Variants in DCTN4 observed in about 807,000 individuals in gnomAD.
DCTN4 encodes the protein dynactin 4 (p62).
Under a neutral mutation model 62.7 loss-of-function variants are expected in DCTN4, and 23 were observed. The ratio of observed to expected loss-of-function variants is 0.37; its 90% CI spans 0.26 to 0.52. DCTN4 has a LOEUF of 0.52. Ranked by LOEUF, DCTN4 falls within the 20% of genes least tolerant of loss-of-function variation. The probability of loss-of-function intolerance (pLI) is 0.92; values close to 1 mark genes in which losing one functional copy is unlikely to be tolerated. For missense variants in DCTN4, 514 were observed against 580.4 expected (o/e 0.89, Z 1.18); for synonymous variants, 199 against 202.1 (o/e 0.98, Z 0.13).
intron 3 of DCTN4, among the ~76,000 whole-genome samples, chr5:150,750,513 A>G (rs1214175170): frequency 1.3e-5 from 2 of 152,238 alleles, no homozygotes; most frequent in African/African-American, 4.8e-5. Context: ...GATTGCTTCC[A>G]GCAGCTATAT....
intron 9 of DCTN4, 25 bp downstream of exon 9, chr5:150,722,882 A>C: frequency 6.3e-7 from 1 of 1,596,514 alleles, no homozygotes; most frequent in Non-Finnish European, 8.6e-7. Flanking sequence ...ACAGTAACTG[A>C]AAACACCAAT....
chr5:150,749,805 C>T (rs1752609017), intron 3 of DCTN4, among the ~76,000 whole-genome samples: 10 of 152,150 alleles, frequency 6.6e-5, no homozygotes, highest in Admixed American at 6.5e-4. Context: ...GTTCATAGCA[C>T]CTTTATTCAC....
chr5:150,711,576 G>A (rs1759567656), intron 12 of DCTN4, among the ~76,000 whole-genome samples: 1 of 152,054 alleles, frequency 6.6e-6, no homozygotes, highest in Non-Finnish European at 1.5e-5. Flanking sequence ...CTCCACCTTG[G>A]GTCACTGCAA....
chr5:150,723,930 T>C (rs1242528514), intron 8 of DCTN4, among the ~76,000 whole-genome samples: 1 of 152,222 alleles, frequency 6.6e-6, no homozygotes, highest in Non-Finnish European at 1.5e-5. Flanking sequence ...TGTAACAATT[T>C]CTATAACTTA....
chr5:150,727,775 C>CAAAAAA (rs11292193), intron 8 of DCTN4, among the ~76,000 whole-genome samples: 187 of 82,080 alleles, frequency 2.3e-3, no homozygotes, highest in Middle Eastern at 8.2e-3. Context: ...GACTCCGTCT[C>CAAAAAA]AAAAAAAAAA....
At chr5:150,712,117 C>T (rs748194939) in intron 12 of DCTN4, among the ~76,000 whole-genome samples, 27 of 152,016 alleles carry the variant, frequency 1.8e-4, no homozygotes, top group African/African-American at 3.6e-4. Flanking sequence ...AGACTCATAC[C>T]GTGGAAAGTT....
At chr5:150,742,256 TAA>T in intron 3 of DCTN4, 99 bp from the exon 4 acceptor site, 1 of 1,213,816 alleles carries the variant, frequency 8.2e-7, no homozygotes, top group Admixed American at 1.7e-5. Flanking sequence ...ACTTAAAACA[TAA>T]GTTATATAGA....
intron 8 of DCTN4, among the ~76,000 whole-genome samples, chr5:150,726,241 T>TA (rs1262479673): frequency 1.3e-5 from 2 of 152,308 alleles, no homozygotes; most frequent in African/African-American, 4.8e-5. Context: ...GTATTGACAG[T>TA]AAATCTCCTT....
rs190830361 is a variant in DCTN4, at chr5:150,732,992, A to G, written c.537+376T>C. On this transcript the variant is annotated intron_variant, in intron 5 of 12. Transcript: ENST00000447998. ...AGAAACCACTACTGCCAGGATGTCAAAGGTGGGCTACAGGGGTAATATGAC... is the reference window on the plus strand; with the variant it reads ...AGAAACCACTACTGCCAGGATGTCAGAGGTGGGCTACAGGGGTAATATGAC... 1.0e-3 allele frequency among the ~76,000 whole-genome samples: 154 copies of G among 152,340 alleles called. 2 individuals are homozygous for G. Among genetic ancestry groups the G allele is most frequent in the Middle Eastern group, 3.4e-3 (1 of 294 alleles).
At chr5:150,724,201 T>C (rs1175689384) in intron 8 of DCTN4, among the ~76,000 whole-genome samples, 2 of 152,224 alleles carry the variant, frequency 1.3e-5, no homozygotes, top group African/African-American at 4.8e-5. Flanking sequence ...ATTGCAGTTT[T>C]AATGTACATT....
At chr5:150,756,676 C>T (rs1752877837) in intron 1 of DCTN4, among the ~76,000 whole-genome samples, 189 bp from the exon 2 acceptor site, 1 of 146,826 alleles carries the variant, frequency 6.8e-6, no homozygotes, top group South Asian at 2.2e-4. Context: ...TTTAAAAAAT[C>T]CTTCTATTTT....
At chr5:150,739,081 T>TGA (rs1760681765) in intron 4 of DCTN4, among the ~76,000 whole-genome samples, 1 of 151,288 alleles carries the variant, frequency 6.6e-6, no homozygotes, top group South Asian at 2.1e-4. Context: ...CTCAGGAGGC[T>TGA]GAGGTAAGAG....
chr5:150,757,764 T>G (rs1246754065), intron 1 of DCTN4, among the ~76,000 whole-genome samples: 4 of 152,208 alleles, frequency 2.6e-5, no homozygotes, highest in Non-Finnish European at 5.9e-5. Flanking sequence ...ATAAAATAAG[T>G]TATTAATAAC....
chr5:150,746,638 G>A (rs28798203), intron 3 of DCTN4, among the ~76,000 whole-genome samples: 20,752 of 152,050 alleles, frequency 0.14, 2,430 homozygotes, highest in African/African-American at 0.32. Context: ...TTCAACATAC[G>A]CAAATCAATA....
intron 8 of DCTN4, among the ~76,000 whole-genome samples, chr5:150,729,126 C>T (rs1760266023): frequency 7.4e-6 from 1 of 135,376 alleles, no homozygotes; most frequent in Non-Finnish European, 1.5e-5. Flanking sequence ...AACTCCTGGG[C>T]TCAAGTGATC....
At position 150,710,479 on chromosome 5, in the gene DCTN4, G is replaced by C. The variant is rs1207984335; in HGVS notation, c.*670C>G. On this transcript the variant is annotated 3_prime_UTR_variant, in exon 13 of 13. Transcript: ENST00000447998. ...TTCTTAAAAGATCCATATTTTACTG[G>C]GAAAAAAATTAAGAACAACTAATAC... 2.0e-5 allele frequency: 3 copies of C among 152,134 alleles called. No homozygotes were observed. Among genetic ancestry groups the C allele is most frequent in the Non-Finnish European group, 4.4e-5 (3 of 68,020 alleles). The allele number at this position is 152,134 out of a possible 1,614,324, so 9.4% of individuals were successfully genotyped here.
At chr5:150,725,845 G>A (rs1760124233) in intron 8 of DCTN4, among the ~76,000 whole-genome samples, 1 of 152,074 alleles carries the variant, frequency 6.6e-6, no homozygotes, top group African/African-American at 2.4e-5. Flanking sequence ...ATATTGGATG[G>A]GTGCCCCAGG....
chr5:150,733,713 T>C (rs1444123886), intron 4 of DCTN4: 11 of 398,458 alleles, frequency 2.8e-5, no homozygotes, highest in African/African-American at 2.1e-4. Context: ...TGGAAATTTT[T>C]TGCTCTCTAA....
intron 3 of DCTN4, among the ~76,000 whole-genome samples, chr5:150,744,478 C>A (rs907730793): frequency 8.6e-5 from 13 of 152,006 alleles, no homozygotes; most frequent in African/African-American, 3.1e-4. Context: ...AACTCCAAGA[C>A]ACATAATTGT....
Sources: allele counts gnomAD v4.1 joint callset (sites outside exome capture counted in the v4.1 genomes callset), GRCh38; gene constraint gnomAD v4.1.1; transcripts MANE v1.5; gene names NCBI Gene and HGNC (gene_info 2026-07-23, HGNC 2026-07-21).